CDKAL1: variants seen among roughly 807,000 people sequenced by gnomAD.
CDKAL1 encodes the protein CDKAL1 threonylcarbamoyladenosine tRNA methylthiotransferase.
In CDKAL1, 32 loss-of-function variants were observed where a neutral mutation model predicts 68.2. That is an observed-to-expected ratio of 0.47 (90% CI 0.35 to 0.63). The LOEUF is 0.63. CDKAL1 is among the 30% of genes least tolerant of loss of function. The pLI, the probability that CDKAL1 is intolerant of heterozygous loss-of-function variation, is 0.00. For missense variants in CDKAL1, 606 were observed against 696.7 expected (o/e 0.87, Z 1.47); for synonymous variants, 234 against 244.3 (o/e 0.96, Z 0.39).
intron 9 of CDKAL1, among the ~76,000 whole-genome samples, chr6:20,931,836 C>T (rs1054867852): frequency 2.0e-5 from 3 of 152,172 alleles, no homozygotes; most frequent in Admixed American, 2.0e-4. Flanking sequence ...GAGCAACTGT[C>T]ATTTCGTGCT....
At chr6:20,614,544 G>A (rs1766796415) in intron 4 of CDKAL1, among the ~76,000 whole-genome samples, 1 of 152,062 alleles carries the variant, frequency 6.6e-6, no homozygotes, top group Admixed American at 6.6e-5. Context: ...TCATATTTAA[G>A]AGTTATGTTT....
intron 4 of CDKAL1, among the ~76,000 whole-genome samples, chr6:20,561,178 A>G (rs1764250204): frequency 6.6e-6 from 1 of 152,134 alleles, no homozygotes; most frequent in Non-Finnish European, 1.5e-5. Context: ...GCAGTGGCTC[A>G]TGCTTGTAAT....
chr6:20,576,478 T>G (rs1488520153), intron 4 of CDKAL1, among the ~76,000 whole-genome samples: 2 of 152,254 alleles, frequency 1.3e-5, no homozygotes, highest in African/African-American at 4.8e-5. Context: ...AAATCAGGTA[T>G]GAAGTATAAT....
At chr6:21,099,032 G>T (rs978614261) in intron 12 of CDKAL1, among the ~76,000 whole-genome samples, 7 of 152,104 alleles carry the variant, frequency 4.6e-5, no homozygotes, top group African/African-American at 1.7e-4. Context: ...TTAAGCAAAG[G>T]TTCTAAACTG....
At chr6:20,750,039 G>T (rs187346299) in intron 6 of CDKAL1, among the ~76,000 whole-genome samples, 2 of 151,972 alleles carry the variant, frequency 1.3e-5, no homozygotes, top group African/African-American at 2.4e-5. Flanking sequence ...GTCTGTCATT[G>T]TAGCAAATGA....
intron 4 of CDKAL1, among the ~76,000 whole-genome samples, chr6:20,621,701 T>G (rs975365046): frequency 2.0e-5 from 3 of 152,190 alleles, no homozygotes; most frequent in Non-Finnish European, 4.4e-5. Context: ...TTGATCTAGC[T>G]TTGGCCATTG....
chr6:20,540,077 CTTT>C (rs71538791), intron 2 of CDKAL1, among the ~76,000 whole-genome samples: 3 of 131,240 alleles, frequency 2.3e-5, no homozygotes, highest in African/African-American at 3.1e-5. Context: ...TTGGGATTGT[CTTT>C]TTTTTTTTTT....
intron 8 of CDKAL1, among the ~76,000 whole-genome samples, chr6:20,828,233 A>G (rs1406656227): frequency 6.6e-6 from 1 of 151,792 alleles, no homozygotes; most frequent in Non-Finnish European, 1.5e-5. Context: ...TTTCATTATT[A>G]TTATTATTAT....
chr6:20,586,395 T>C (rs1311632432), intron 4 of CDKAL1, among the ~76,000 whole-genome samples: 1 of 152,204 alleles, frequency 6.6e-6, no homozygotes, highest in Non-Finnish European at 1.5e-5. Flanking sequence ...CCCAGCACTT[T>C]GGGAGGCCAA....
At chr6:21,045,039 CATG>C (rs775793175) in intron 11 of CDKAL1, among the ~76,000 whole-genome samples, 6 of 152,202 alleles carry the variant, frequency 3.9e-5, no homozygotes, top group Non-Finnish European at 8.8e-5. Context: ...GCTCTGCCTT[CATG>C]ATGTCATCAC....
intron 9 of CDKAL1, among the ~76,000 whole-genome samples, chr6:20,954,940 G>T (rs1019167171): frequency 6.6e-6 from 1 of 152,118 alleles, no homozygotes; most frequent in African/African-American, 2.4e-5. Flanking sequence ...TGAGAAAAAT[G>T]GATACCTTAT....
intron 7 of CDKAL1, 95 bp from the exon 8 acceptor site, chr6:20,781,050 C>G: frequency 8.0e-7 from 1 of 1,256,690 alleles, no homozygotes; most frequent in Non-Finnish European, 1.1e-6. Context: ...CCCCTGCTCC[C>G]GAAAAGAAGT....
At chr6:21,016,612 TCATCCATCCATCCATCCATC>T (rs3061573) in intron 11 of CDKAL1, among the ~76,000 whole-genome samples, 43 of 144,110 alleles carry the variant, frequency 3.0e-4, no homozygotes, top group South Asian at 7.0e-4. Context: ...CGCCTTCCAT[TCATCCATCCATCCATCCATC>T]CATCCATCCA....
intron 9 of CDKAL1, among the ~76,000 whole-genome samples, chr6:20,950,352 G>C (rs539877831): frequency 6.6e-6 from 1 of 152,032 alleles, no homozygotes; most frequent in Non-Finnish European, 1.5e-5. Flanking sequence ...TGGAACTCCC[G>C]ACCTCAGGTG....
At chr6:21,207,096 A>G (rs1778970652) in intron 15 of CDKAL1, among the ~76,000 whole-genome samples, 1 of 152,080 alleles carries the variant, frequency 6.6e-6, no homozygotes, top group Non-Finnish European at 1.5e-5. Context: ...TATTTTTAGT[A>G]GAAACAGGGT....
At chr6:21,194,825 C>T in intron 13 of CDKAL1, among the ~76,000 whole-genome samples, 1 of 152,192 alleles carries the variant, frequency 6.6e-6, no homozygotes, top group East Asian at 1.9e-4. Context: ...TCTTCCATAA[C>T]TTCAGTGTTG....
intron 14 of CDKAL1, among the ~76,000 whole-genome samples, chr6:21,198,667 C>T (rs190071497): frequency 4.6e-5 from 7 of 152,306 alleles, no homozygotes; most frequent in Non-Finnish European, 8.8e-5. Flanking sequence ...ATTGTATGAA[C>T]AACTGTGCAG....
chr6:20,630,443 A>C (rs1234414648), intron 4 of CDKAL1, among the ~76,000 whole-genome samples: 1 of 151,530 alleles, frequency 6.6e-6, no homozygotes, highest in Non-Finnish European at 1.5e-5. Flanking sequence ...AGGGAGGTAA[A>C]AGGAACTGCA....
chr6:21,116,253 G>A lies in CDKAL1; in HGVS notation c.1299+7790G>A, dbSNP rs147899614. Among the ~76,000 whole-genome samples, 697 of 152,148 alleles carry A rather than the reference G, an allele frequency of 4.6e-3. 4 individuals are homozygous for A. The highest frequency in any genetic ancestry group is 0.015 in the African/African-American group (615 of 41,512). On this transcript the variant is annotated intron_variant, in intron 13 of 15. Transcript: ENST00000274695. ...TTTACAAATGGCAGAAATTCGGTGC[G>A]CTTAAGATGATATATCCAGAGACCC...
Sources: gnomAD v4.1 joint callset for allele counts (sites outside exome capture counted in the v4.1 genomes callset) on GRCh38, gnomAD v4.1.1 for gene constraint, MANE v1.5 for transcripts, NCBI Gene and HGNC (gene_info 2026-07-23, HGNC 2026-07-21) for gene names.